Variants in PDZRN3 observed in about 807,000 individuals in gnomAD.
The protein encoded by PDZRN3 is PDZ domain containing ring finger 3, also known as E3 ubiquitin-protein ligase PDZRN3.
A neutral mutation model predicts 85.7 loss-of-function variants in PDZRN3; 38 were observed. The observed-to-expected ratio is 0.44, with a 90% confidence interval of 0.34 to 0.58. PDZRN3 has a LOEUF of 0.58. PDZRN3 is among the 20% of genes least tolerant of loss of function. PDZRN3 has a pLI of 0.01. For missense variants in PDZRN3, 1,629 were observed against 1,506.4 expected (o/e 1.08, Z -1.35); for synonymous variants, 759 against 638.0 (o/e 1.19, Z -2.86).
At chr3:73,621,310 G>T (rs1236788405) in intron 1 of PDZRN3, among the ~76,000 whole-genome samples, 1 of 152,340 alleles carries the variant, frequency 6.6e-6, no homozygotes, top group Non-Finnish European at 1.5e-5. Context: ...CATCATTTGT[G>T]CAAGTTCTAG....
intron 3 of PDZRN3, chr3:73,433,619 A>T: frequency 2.7e-6 from 4 of 1,498,098 alleles, no homozygotes; most frequent in Non-Finnish European, 3.6e-6. Context: ...ACTTCTATGG[A>T]ATAAAATGCA....
At chr3:73,581,771 AC>A (rs1702205006) in intron 3 of PDZRN3, among the ~76,000 whole-genome samples, 1 of 151,794 alleles carries the variant, frequency 6.6e-6, no homozygotes, top group South Asian at 2.1e-4. Context: ...GAAAATGAGC[AC>A]AGGAGGGTTG....
Position 73,383,825 on chromosome 3 carries a change from G to C in PDZRN3, c.2741C>G (p.Pro914Arg). ...CTTCCACTCCATGCGCGGCTCCGAC[G>C]GGGTGGGAGAGCTCAGGTCCTTGCA... ...SMCKDLSSPT[P>R]SEPRMEWKVK... Residue 914 changes from proline (P) to arginine (R), a missense_variant, in exon 10 of 10, where the codon CCG becomes CGG. Physicochemically the swap from Pro to Arg is moderately radical, Grantham distance 103. Transcript: ENST00000263666. 1 of 1,613,540 alleles carries C rather than the reference G, an allele frequency of 6.2e-7. No individual in the cohort carries two copies. Among genetic ancestry groups the C allele is most frequent in the Non-Finnish European group, 8.5e-7 (1 of 1,179,788 alleles).
At chr3:73,525,106 G>GTA (rs1704491867) in intron 3 of PDZRN3, among the ~76,000 whole-genome samples, 1 of 151,344 alleles carries the variant, frequency 6.6e-6, no homozygotes, top group Non-Finnish European at 1.5e-5. Context: ...GTCTGGGTAG[G>GTA]TACTAGCAGA....
At chr3:73,520,784 T>C (rs1184256422) in intron 3 of PDZRN3, among the ~76,000 whole-genome samples, 1 of 151,798 alleles carries the variant, frequency 6.6e-6, no homozygotes, top group Non-Finnish European at 1.5e-5. Flanking sequence ...GTGAGCCCCT[T>C]GGGGAGGTAG....
At chr3:73,429,467 T>C (rs1188478990) in intron 3 of PDZRN3, among the ~76,000 whole-genome samples, 2 of 152,238 alleles carry the variant, frequency 1.3e-5, no homozygotes, top group Non-Finnish European at 2.9e-5. Flanking sequence ...CTCTTTGCTC[T>C]ACAGCAGTAA....
At chr3:73,484,350 C>A (rs918867437) in intron 3 of PDZRN3, among the ~76,000 whole-genome samples, 3 of 152,026 alleles carry the variant, frequency 2.0e-5, no homozygotes, top group African/African-American at 7.3e-5. Flanking sequence ...TTGGGAGTTG[C>A]CAAAGTCATG....
intron 3 of PDZRN3, among the ~76,000 whole-genome samples, chr3:73,499,150 C>A (rs1285486272): frequency 2.6e-5 from 4 of 152,166 alleles, no homozygotes; most frequent in Admixed American, 1.3e-4. Context: ...GGATCCCTTA[C>A]CACCTGCCAA....
chr3:73,621,427 C>T (rs1469257322), intron 1 of PDZRN3, among the ~76,000 whole-genome samples: 2 of 152,280 alleles, frequency 1.3e-5, no homozygotes, highest in African/African-American at 2.4e-5. Context: ...AAAAATGTTG[C>T]ACATGAGAGT....
At chr3:73,524,852 C>T (rs964536197) in intron 3 of PDZRN3, among the ~76,000 whole-genome samples, 2 of 151,810 alleles carry the variant, frequency 1.3e-5, no homozygotes, top group African/African-American at 4.8e-5. Context: ...AAACATACCA[C>T]AGAAGGGCAG....
chr3:73,617,277 T>A (rs772081291), intron 1 of PDZRN3, among the ~76,000 whole-genome samples: 10 of 152,132 alleles, frequency 6.6e-5, no homozygotes, highest in Non-Finnish European at 1.3e-4. Flanking sequence ...ATGGAATGAG[T>A]GAGAAAGATG....
At chr3:73,518,701 G>T (rs1369146939) in intron 3 of PDZRN3, among the ~76,000 whole-genome samples, 1 of 152,148 alleles carries the variant, frequency 6.6e-6, no homozygotes, top group Non-Finnish European at 1.5e-5. Context: ...TTAGTGTCTA[G>T]TGAGGGCCTG....
In PDZRN3 at chr3:73,413,310, T is replaced by C. The variant is rs141169196; in HGVS notation, c.919-8915A>G. On this transcript the variant is annotated intron_variant, in intron 3 of 9. Coordinates refer to ENST00000263666, the MANE Select transcript of PDZRN3 (RefSeq NM_015009.3). ...AGCTGCCAAATTTCAGTAAAAACCATACTCCAAATAAGTCACATAAGAAAA... is the reference window on the plus strand; with the variant it reads ...AGCTGCCAAATTTCAGTAAAAACCACACTCCAAATAAGTCACATAAGAAAA... Among the ~76,000 whole-genome samples, 297 of 152,290 alleles carry C rather than the reference T, an allele frequency of 2.0e-3. 2 individuals carry two copies. Among genetic ancestry groups the C allele is most frequent in the African/African-American group, 7.0e-3 (289 of 41,566 alleles).
chr3:73,569,102 CAGCTCACCT>C lies in PDZRN3; in HGVS notation c.918+33243_918+33251del, dbSNP rs1448024508. 2.6e-6 allele frequency: 3 copies of C among 1,152,390 alleles called. No individual in the cohort carries two copies. In the East Asian group the frequency reaches 1.7e-4, roughly 66 times the overall value. 71.4% of individuals were successfully genotyped at this position (1,152,390 alleles called of 1,614,324 possible). On this transcript the variant is annotated intron_variant, in intron 3 of 9. Transcript: ENST00000263666. Reference sequence around the variant, plus strand: ...ATGTGCTGCAGCTGAACTTTGAACCCAGCTCACCTATTCTAAATCACACACCCCTTTTCA... The same window carrying C: ...ATGTGCTGCAGCTGAACTTTGAACCCATTCTAAATCACACACCCCTTTTCA...
In PDZRN3 at chr3:73,408,145, T is replaced by C. The variant is rs112312478; in HGVS notation, c.919-3750A>G. On this transcript the variant is annotated intron_variant, in intron 3 of 9. Transcript: ENST00000263666. ...TCCACAAGCCAGATGACCTCCTCCT[T>C]TTTCACAGCTCAGAGGTGGAGTGTG... 3.8e-4 allele frequency: 268 copies of C among 703,394 alleles called. 2 individuals carry two copies. In the African/African-American group the frequency reaches 4.0e-3, roughly 11 times the overall value. The allele number at this position is 703,394 out of a possible 1,614,324, so 43.6% of individuals were successfully genotyped here.
chr3:73,548,124 C>G (rs1233777322), intron 3 of PDZRN3, among the ~76,000 whole-genome samples: 1 of 152,140 alleles, frequency 6.6e-6, no homozygotes, highest in Non-Finnish European at 1.5e-5. Context: ...TAAATTAAGA[C>G]TAGGCCAACA....
At chr3:73,461,790 C>T (rs1013087973) in intron 3 of PDZRN3, among the ~76,000 whole-genome samples, 1 of 152,138 alleles carries the variant, frequency 6.6e-6, no homozygotes, top group Non-Finnish European at 1.5e-5. Context: ...GCCTAGGTTC[C>T]CCAAGGACAG....
Position 73,388,024 on chromosome 3 carries a change from G to T in PDZRN3, c.1462C>A (p.Leu488Ile), listed in dbSNP as rs373968116. 1 of 1,408,642 alleles carries T rather than the reference G, an allele frequency of 7.1e-7. No individual in the cohort carries two copies. The highest frequency in any genetic ancestry group is 1.5e-5 in the African/African-American group (1 of 68,052). 87.3% of individuals were successfully genotyped at this position (1,408,642 alleles called of 1,614,324 possible). ...AAGTTTTTATTTTCTTCACTGGTTA[G>T]AAGAGCCACAGCCTCTTCACGGTTC... Reference protein sequence around the residue: ...VQNREEAVALLTSEENKNFSL... With the variant: ...VQNREEAVALITSEENKNFSL... The change falls in exon 8 of 10, where the codon CTA (leucine) becomes ATA (isoleucine). Residue 488 changes from leucine to isoleucine, a missense_variant. Leu to Ile is a conservative substitution (Grantham distance 5). Coordinates refer to ENST00000263666, the MANE Select transcript of PDZRN3 (RefSeq NM_015009.3).
intron 3 of PDZRN3, among the ~76,000 whole-genome samples, chr3:73,449,236 TTAAC>T (rs1702810576): frequency 1.3e-5 from 2 of 152,166 alleles, no homozygotes; most frequent in South Asian, 4.1e-4. Flanking sequence ...CATCTTCTAA[TTAAC>T]TAACTGATCC....
Sources: gnomAD v4.1 joint callset for allele counts (sites outside exome capture counted in the v4.1 genomes callset) on GRCh38, gnomAD v4.1.1 for gene constraint, MANE v1.5 for transcripts, NCBI Gene and HGNC (gene_info 2026-07-23, HGNC 2026-07-21) for gene names.